Variants in RPS6 observed in about 807,000 individuals in gnomAD.
RPS6 encodes small ribosomal subunit protein eS6.
Under a neutral mutation model 27.1 loss-of-function variants are expected in RPS6, and 1 was observed. The ratio of observed to expected loss-of-function variants is 0.04; its 90% CI spans 0.01 to 0.18. The LOEUF is 0.18. Ranked by LOEUF, RPS6 falls within the 10% of genes least tolerant of loss-of-function variation. RPS6 has a pLI of 1.00. For synonymous variants in RPS6, 152 were observed against 106.0 expected (o/e 1.43, Z -2.66); for missense variants, 259 against 319.1 (o/e 0.81, Z 1.44).
At chr9:19,377,922 C>T (rs987263036) in intron 4 of RPS6, among the ~76,000 whole-genome samples, 4 of 152,144 alleles carry the variant, frequency 2.6e-5, no homozygotes, top group African/African-American at 4.8e-5. Flanking sequence ...TTTGGGAAGC[C>T]AAAGTGGGAG....
chr9:19,378,950 C>A (rs772162524), intron 2 of RPS6, 32 bp from the exon 3 acceptor site: 5 of 1,596,172 alleles, frequency 3.1e-6, no homozygotes, highest in Non-Finnish European at 4.3e-6. Context: ...GACACATTTA[C>A]TATTTCTATT....
rs1002969188 is a variant in RPS6 at position 19,380,219 on chromosome 9, A to G, written c.-24T>C. On this transcript the variant is annotated 5_prime_UTR_variant, in exon 1 of 6. Transcript: ENST00000380394. Reference sequence around the variant, plus strand: ...ATCTTGAAGCAGCTGAACGCCTCCGAGGCGCCACGGAAAAGAGGGCCAACT... The same window carrying G: ...ATCTTGAAGCAGCTGAACGCCTCCGGGGCGCCACGGAAAAGAGGGCCAACT... 3 of 1,613,328 alleles carry G rather than the reference A, an allele frequency of 1.9e-6. No individual in the cohort carries two copies. The highest frequency in any genetic ancestry group is 2.5e-6 in the Non-Finnish European group (3 of 1,179,294).
intron 4 of RPS6, 139 bp from the exon 5 acceptor site, chr9:19,376,790 T>A: frequency 1.4e-6 from 1 of 696,060 alleles, no homozygotes; most frequent in Non-Finnish European, 2.2e-6. Context: ...AAATCAGAAC[T>A]ATTCTAAAAT....
At chr9:19,378,560 A>T (rs1199468488) in intron 3 of RPS6, 46 bp from the exon 4 acceptor site, 6 of 1,602,852 alleles carry the variant, frequency 3.7e-6, no homozygotes, top group African/African-American at 1.3e-5. Flanking sequence ...AACTTCCTTA[A>T]GAATCCTAAA....
At position 19,375,935 on chromosome 9, in the gene RPS6, A is replaced by G; in HGVS notation, c.*358T>C. 1 of 159,538 alleles carries G rather than the reference A, an allele frequency of 6.3e-6. No homozygotes were observed. Among genetic ancestry groups the G allele is most frequent in the East Asian group, 1.8e-4 (1 of 5,494 alleles). 9.9% of individuals were successfully genotyped at this position (159,538 alleles called of 1,614,324 possible). ...ATCTTCACAAGGTCAATTTTCATGT[A>G]TTAAATTGTGTATAGTGCTTTAAAG... is the stretch of plus-strand genomic sequence containing the variant. On this transcript the variant is annotated 3_prime_UTR_variant, in exon 6 of 6. Coordinates refer to ENST00000380394, the MANE Select transcript of RPS6 (RefSeq NM_001010.3).
At position 19,376,200 on chromosome 9, in the gene RPS6, C is replaced by A; in HGVS notation, c.*93G>T. ...CATATCCCCATTTTCTATGACCTAA[C>A]TTTCCCTCTCTTCATTTATGTAGTT... On this transcript the variant is annotated 3_prime_UTR_variant, in exon 6 of 6. Transcript: ENST00000380394. The A allele has an allele frequency of 4.6e-6, 5 of 1,098,754 alleles. No homozygotes were observed. In the South Asian group the frequency reaches 7.3e-5, roughly 16 times the overall value. The allele number at this position is 1,098,754 out of a possible 1,614,324, so 68.1% of individuals were successfully genotyped here.
Position 19,376,504 on chromosome 9 carries a change from T to C in RPS6, c.644A>G (p.Lys215Arg), listed in dbSNP as rs767627740. The change falls in exon 5 of 6, where the codon AAG becomes AGG. Residue 215 changes from lysine to arginine, a missense_variant. Lys to Arg is a conservative substitution (Grantham distance 26, BLOSUM62 2). Transcript: ENST00000380394. ...TCATCTTAGACTAACCTTCATTCTCTTGGCCAAAAGTTTAGCATATTCTGC... is the reference window on the plus strand; with the variant it reads ...TCATCTTAGACTAACCTTCATTCTCCTGGCCAAAAGTTTAGCATATTCTGC... ...EAAEYAKLLAKRMKEAKEKRQ... is the reference protein window; with the variant it reads ...EAAEYAKLLARRMKEAKEKRQ... 1.9e-6 allele frequency: 3 copies of C among 1,613,976 alleles called. No individual in the cohort carries two copies. The highest frequency in any genetic ancestry group is 1.7e-6 in the Non-Finnish European group (2 of 1,179,980).
rs556802287 is a variant in RPS6 at position 19,379,685 on chromosome 9, A to C, written c.7-67T>G. 10 of 1,538,236 alleles carry C rather than the reference A, an allele frequency of 6.5e-6. No individual in the cohort carries two copies. In the East Asian group the frequency reaches 1.1e-4, roughly 17 times the overall value. ...TACAGGTAATTGTAGAGCCATCTAC[A>C]AAGTTAATTCCACTGCAAAAAGCCT... On this transcript the variant is annotated intron_variant, in intron 1 of 5. Coordinates refer to ENST00000380394, the MANE Select transcript of RPS6 (RefSeq NM_001010.3).
intron 1 of RPS6, chr9:19,379,982 C>G: frequency 6.9e-7 from 1 of 1,452,026 alleles, no homozygotes; most frequent in East Asian, 2.5e-5. Flanking sequence ...CACCATGGCG[C>G]TCCCGGCCCG....
At position 19,376,146 on chromosome 9, in the gene RPS6, C is replaced by T. The variant is rs10119465; in HGVS notation, c.*147G>A. The T allele has an allele frequency of 0.12, 83,628 of 692,800 alleles. 9,053 individuals are homozygous for T. Among genetic ancestry groups the T allele is most frequent in the African/African-American group, 0.45 (24,969 of 55,348 alleles). The allele number at this position is 692,800 out of a possible 1,614,324, so 42.9% of individuals were successfully genotyped here. On this transcript the variant is annotated 3_prime_UTR_variant, in exon 6 of 6. Transcript: ENST00000380394. ...CCACTACCACACACAATAGGTCTGACTTTATCCACCATTGGAATACCATAT... is the reference window on the plus strand; with the variant it reads ...CCACTACCACACACAATAGGTCTGATTTTATCCACCATTGGAATACCATAT...
Position 19,378,361 on chromosome 9 carries a change from CT to C in RPS6, c.496+6del. On this transcript the variant is annotated splice_donor_region_variant and intron_variant, in intron 4 of 5. Coordinates refer to ENST00000380394, the MANE Select transcript of RPS6 (RefSeq NM_001010.3). Reference sequence around the variant, plus strand: ...TAAGCAAGCCCTAATTGCATAATCCCTCCTACCTTCTTTATTTAAGGGCTTT... The same window carrying C: ...TAAGCAAGCCCTAATTGCATAATCCCCCTACCTTCTTTATTTAAGGGCTTT... 1 of 1,611,768 alleles carries C rather than the reference CT, an allele frequency of 6.2e-7. No homozygotes were observed. The highest frequency in any genetic ancestry group is 2.2e-5 in the East Asian group (1 of 44,862).
chr9:19,378,594 A>G, intron 3 of RPS6, 80 bp from the exon 4 acceptor site: 1 of 1,580,764 alleles, frequency 6.3e-7, no homozygotes, highest in South Asian at 1.1e-5. Flanking sequence ...TGTTGAATTG[A>G]TGGTAGAGAA....
At chr9:19,379,295 C>T (rs1347025000) in intron 2 of RPS6, 192 bp downstream of exon 2, 10 of 1,473,684 alleles carry the variant, frequency 6.8e-6, no homozygotes, top group Admixed American at 2.6e-5. Context: ...GTAAACTTTA[C>T]GTATATTTTA....
intron 1 of RPS6, 21 bp from the exon 2 acceptor site, chr9:19,379,639 A>C: frequency 1.2e-6 from 2 of 1,605,384 alleles, no homozygotes. Flanking sequence ...AAAGGGGGGA[A>C]ATAGTTTACG....
Position 19,378,063 on chromosome 9 carries a change from C to G in RPS6, c.496+305G>C, listed in dbSNP as rs532211182. Among the ~76,000 whole-genome samples, 4 of 152,310 alleles carry G rather than the reference C, an allele frequency of 2.6e-5. No homozygotes were observed. In the South Asian group the frequency reaches 8.3e-4, roughly 32 times the overall value. On this transcript the variant is annotated intron_variant, in intron 4 of 5. Transcript: ENST00000380394. ...GTGGTGCTAATAGTCCCAGAATTCT[C>G]AAACATGTGACTCCTAAACCAGATA...
chr9:19,378,439 C>A lies in RPS6; in HGVS notation c.425G>T (p.Arg142Leu). Residue 142 changes from arginine to leucine, a missense_variant, in exon 4 of 6, where the codon CGC (arginine) becomes CTC (leucine). By Grantham distance (102) the Arg-to-Leu change is moderately radical. Transcript: ENST00000380394. ...TTCTTTAGAGAGATTGAAAAGTTTG[C>A]GGATTCTGCTAGCTCTTTTGGGGCC... ...RLGPKRASRI[R>L]KLFNLSKEDD... 1.9e-6 allele frequency: 3 copies of A among 1,613,914 alleles called. No individual in the cohort carries two copies. The highest frequency in any genetic ancestry group is 2.5e-6 in the Non-Finnish European group (3 of 1,179,954).
intron 4 of RPS6, among the ~76,000 whole-genome samples, chr9:19,378,005 A>G (rs1328808359): frequency 6.6e-6 from 1 of 152,226 alleles, no homozygotes; most frequent in Non-Finnish European, 1.5e-5. Flanking sequence ...AATATTAATA[A>G]TTTAGAACAT....
In RPS6 at chr9:19,380,159, A is replaced by C. The variant is rs746750178; in HGVS notation, c.6+31T>G. 2.5e-6 allele frequency: 4 copies of C among 1,613,380 alleles called. 1 individual carries two copies. The South Asian group carries it at 4.4e-5, about 18-fold the overall frequency. ...CTGGGACTCGATTCACGTTCCCCAAACCCAGTCTAACACTCGCCACCATCA... is the reference window on the plus strand; with the variant it reads ...CTGGGACTCGATTCACGTTCCCCAACCCCAGTCTAACACTCGCCACCATCA... On this transcript the variant is annotated intron_variant, in intron 1 of 5. Transcript: ENST00000380394.
At chr9:19,379,150 A>C in intron 2 of RPS6, 1 of 789,152 alleles carries the variant, frequency 1.3e-6, no homozygotes, top group Admixed American at 3.0e-5. Context: ...TATTAGAGAT[A>C]ACAGCACTAA....
Sources: gnomAD v4.1 joint callset for allele counts (sites outside exome capture counted in the v4.1 genomes callset) on GRCh38, gnomAD v4.1.1 for gene constraint, MANE v1.5 for transcripts, NCBI Gene and HGNC (gene_info 2026-07-23, HGNC 2026-07-21) for gene names.